Variants in MACROD2 observed in about 807,000 individuals in gnomAD.
The protein encoded by MACROD2 is mono-ADP ribosylhydrolase 2, also known as ADP-ribose glycohydrolase MACROD2.
A neutral mutation model predicts 70.4 loss-of-function variants in MACROD2; 36 were observed. That is an observed-to-expected ratio of 0.51 (90% CI 0.39 to 0.68). The LOEUF is 0.68. MACROD2 is among the 30% of genes least tolerant of loss of function. MACROD2 has a pLI of 0.00. For synonymous variants in MACROD2, 172 were observed against 178.8 expected, an observed-to-expected ratio of 0.96 and a Z score of 0.30; for missense variants, 496 against 538.4, an observed-to-expected ratio of 0.92 and a Z score of 0.78.
At chr20:14,574,366 T>C (rs760658487) in intron 4 of MACROD2, among the ~76,000 whole-genome samples, 3 of 152,008 alleles carry the variant, frequency 2.0e-5, no homozygotes, top group Non-Finnish European at 4.4e-5. Context: ...AACCATAGCA[T>C]TTACCCTGCC....
At chr20:15,941,816 G>T (rs1394328165) in intron 12 of MACROD2, among the ~76,000 whole-genome samples, 3 of 152,088 alleles carry the variant, frequency 2.0e-5, no homozygotes, top group Non-Finnish European at 4.4e-5. Context: ...TGATATTATG[G>T]ACAGGTCTTT....
intron 5 of MACROD2, among the ~76,000 whole-genome samples, chr20:15,161,980 G>A (rs1039443163): frequency 3.3e-5 from 5 of 151,954 alleles, no homozygotes; most frequent in East Asian, 1.9e-4. Flanking sequence ...TCAATCAATC[G>A]ATATAGGTGT....
intron 5 of MACROD2, among the ~76,000 whole-genome samples, chr20:15,154,933 G>A (rs1388880041): frequency 6.6e-6 from 1 of 152,186 alleles, no homozygotes; most frequent in Non-Finnish European, 1.5e-5. Flanking sequence ...AAGATGATCA[G>A]TGGGGAAAAG....
intron 6 of MACROD2, among the ~76,000 whole-genome samples, chr20:15,391,616 G>T (rs1185389188): frequency 6.6e-6 from 1 of 152,098 alleles, no homozygotes; most frequent in Non-Finnish European, 1.5e-5. Flanking sequence ...GCATTTATTG[G>T]GATTTCTGGG....
At chr20:15,593,725 C>G (rs1476350344) in intron 8 of MACROD2, among the ~76,000 whole-genome samples, 1 of 152,178 alleles carries the variant, frequency 6.6e-6, no homozygotes, top group East Asian at 1.9e-4. Context: ...ATCTGAATAG[C>G]TGTTTCTCTG....
At chr20:14,502,334 A>G (rs2084923504) in intron 4 of MACROD2, among the ~76,000 whole-genome samples, 1 of 152,194 alleles carries the variant, frequency 6.6e-6, no homozygotes, top group Non-Finnish European at 1.5e-5. Context: ...TACTGTAGGG[A>G]TGAATGAATC....
At chr20:15,386,031 A>G (rs999493517) in intron 6 of MACROD2, among the ~76,000 whole-genome samples, 3 of 152,192 alleles carry the variant, frequency 2.0e-5, no homozygotes, top group African/African-American at 7.2e-5. Context: ...TCAGTCTCAC[A>G]TTGACAACGA....
intron 5 of MACROD2, among the ~76,000 whole-genome samples, chr20:15,072,993 C>T (rs2075630317): frequency 1.3e-5 from 2 of 152,246 alleles, no homozygotes; most frequent in South Asian, 4.1e-4. Context: ...GGTTCATCTT[C>T]TCTTGCATAC....
Position 15,984,547 on chromosome 20 carries a change from T to C in MACROD2, c.986-2180T>C, listed in dbSNP as rs375786376. ...CAACATGTCTTAACTTTTTGACTTA[T>C]TACATTTTTTTCTTTAAACAACTAG... On this transcript the variant is annotated intron_variant, in intron 13 of 17. Coordinates refer to ENST00000684519, the MANE Select transcript of MACROD2 (RefSeq NM_001351661.2). Among the ~76,000 whole-genome samples the C allele has an allele frequency of 2.4e-4, 37 of 152,286 alleles. No homozygotes were observed. In the South Asian group the frequency reaches 7.2e-3, roughly 30 times the overall value.
chr20:15,410,219 C>T (rs1211844915), intron 6 of MACROD2, among the ~76,000 whole-genome samples: 1 of 152,160 alleles, frequency 6.6e-6, no homozygotes, highest in Non-Finnish European at 1.5e-5. Flanking sequence ...AAAAGCCTTA[C>T]TCCACCACTC....
At chr20:15,089,544 A>G (rs1024307929) in intron 5 of MACROD2, among the ~76,000 whole-genome samples, 3 of 152,152 alleles carry the variant, frequency 2.0e-5, no homozygotes, top group Admixed American at 1.3e-4. Flanking sequence ...TCTTGGAATA[A>G]GCTATAATCT....
chr20:15,995,858 GGTGT>G (rs71192311), intron 15 of MACROD2, among the ~76,000 whole-genome samples: 4,466 of 148,440 alleles, frequency 0.03, 180 homozygotes, highest in East Asian at 0.2. Context: ...ACAAATGTGA[GGTGT>G]GTGTGTGTGT....
chr20:14,480,672 C>G (rs905729735), intron 3 of MACROD2, among the ~76,000 whole-genome samples: 5 of 152,114 alleles, frequency 3.3e-5, no homozygotes, highest in Admixed American at 3.3e-4. Context: ...ATTATAGAAT[C>G]CACAGCTGGC....
At chr20:14,254,007 T>C (rs1248942249) in intron 3 of MACROD2, among the ~76,000 whole-genome samples, 1 of 151,562 alleles carries the variant, frequency 6.6e-6, no homozygotes, top group Non-Finnish European at 1.5e-5. Flanking sequence ...AAATGCCTGA[T>C]AATTTAAAAC....
intron 3 of MACROD2, among the ~76,000 whole-genome samples, chr20:14,426,356 A>G (rs1418208071): frequency 1.3e-5 from 2 of 151,128 alleles, no homozygotes; most frequent in African/African-American, 4.9e-5. Context: ...TAGTAAAAGT[A>G]TTTTGTTTTT....
intron 8 of MACROD2, among the ~76,000 whole-genome samples, chr20:15,820,252 G>A (rs2063925188): frequency 6.6e-6 from 1 of 152,124 alleles, no homozygotes; most frequent in Admixed American, 6.6e-5. Context: ...CTGAAGTGTA[G>A]TGGCACAGTC....
Position 14,406,374 on chromosome 20 carries a change from G to A in MACROD2, c.272-87105G>A, listed in dbSNP as rs78831099. Among the ~76,000 whole-genome samples the A allele has an allele frequency of 8.5e-3, 1,297 of 152,186 alleles. 32 individuals are homozygous for A. Among genetic ancestry groups the A allele is most frequent in the African/African-American group, 0.03 (1,240 of 41,534 alleles). On this transcript the variant is annotated intron_variant, in intron 3 of 17. Transcript: ENST00000684519. Reference sequence around the variant, plus strand: ...ATATGGAAAAGGTCCTGGCTTAGACGTGTTCTGATTTTATATTCTTGTAAG... The same window carrying A: ...ATATGGAAAAGGTCCTGGCTTAGACATGTTCTGATTTTATATTCTTGTAAG...
intron 5 of MACROD2, among the ~76,000 whole-genome samples, chr20:14,712,217 T>C (rs2071347052): frequency 6.6e-6 from 1 of 152,130 alleles, no homozygotes; most frequent in Non-Finnish European, 1.5e-5. Flanking sequence ...TGTACTTCTA[T>C]ATAGGGGAGT....
At chr20:15,649,214 CTTT>C in intron 8 of MACROD2, among the ~76,000 whole-genome samples, 1 of 3,340 alleles carries the variant, frequency 3.0e-4, no homozygotes, top group South Asian at 0.012. Flanking sequence ...TTCCTTCTTT[CTTT>C]CTTTCTTTCT....
Sources: gnomAD v4.1 joint callset for allele counts (sites outside exome capture counted in the v4.1 genomes callset) on GRCh38, gnomAD v4.1.1 for gene constraint, MANE v1.5 for transcripts, NCBI Gene and HGNC (gene_info 2026-07-23, HGNC 2026-07-21) for gene names.